Variants in RNF152 observed in about 807,000 individuals in gnomAD.
RNF152 encodes ring finger protein 152.
Under a neutral mutation model 12.7 loss-of-function variants are expected in RNF152, and 11 were observed. The observed-to-expected ratio is 0.86, with a 90% CI of 0.54 to 1.43. RNF152 has a LOEUF of 1.43. Among genes scored for constraint, RNF152 ranks in the 40% most tolerant of loss-of-function variants. The pLI, the probability that RNF152 is intolerant of heterozygous loss-of-function variation, is 0.00. For missense variants in RNF152, 255 were observed against 274.8 expected, an observed-to-expected ratio of 0.93 and a Z score of 0.51; for synonymous variants, 113 against 120.3, an observed-to-expected ratio of 0.94 and a Z score of 0.40.
chr18:61,876,465 T>C (rs951776304), intron 1 of RNF152, among the ~76,000 whole-genome samples: 1 of 152,068 alleles, frequency 6.6e-6, no homozygotes, highest in African/African-American at 2.4e-5. Context: ...CAAAAAAAAA[T>C]AAGCAATAAT....
chr18:61,839,787 C>T (rs899044460), intron 1 of RNF152, among the ~76,000 whole-genome samples: 3 of 151,988 alleles, frequency 2.0e-5, no homozygotes, highest in African/African-American at 7.3e-5. Flanking sequence ...CCCAGCTACT[C>T]GGGAGGCTGA....
chr18:61,832,150 A>C (rs1909981023), intron 1 of RNF152, among the ~76,000 whole-genome samples: 1 of 152,172 alleles, frequency 6.6e-6, no homozygotes, highest in Non-Finnish European at 1.5e-5. Context: ...GAGCCACTAA[A>C]CATATTAATC....
At chr18:61,882,443 T>A (rs1270488558) in intron 1 of RNF152, among the ~76,000 whole-genome samples, 1 of 152,250 alleles carries the variant, frequency 6.6e-6, no homozygotes, top group Non-Finnish European at 1.5e-5. Flanking sequence ...GTGTGCATGA[T>A]GATTACATGG....
intron 1 of RNF152, chr18:61,888,461 G>A (rs950246525): frequency 2.0e-5 from 3 of 152,118 alleles, no homozygotes; most frequent in Non-Finnish European, 4.4e-5. Flanking sequence ...GTGCCTATAC[G>A]ACCAATCTGT....
At chr18:61,870,094 C>G (rs185315234) in intron 1 of RNF152, among the ~76,000 whole-genome samples, 2 of 152,332 alleles carry the variant, frequency 1.3e-5, no homozygotes, top group Admixed American at 6.5e-5. Flanking sequence ...ACCTCACGCT[C>G]TCTTGGAAAG....
chr18:61,891,294 T>G (rs1912949305), intron 1 of RNF152, among the ~76,000 whole-genome samples: 1 of 152,214 alleles, frequency 6.6e-6, no homozygotes, highest in South Asian at 2.1e-4. Context: ...TTTATTATGA[T>G]TTATTACTGT....
chr18:61,820,331 C>CAAAA (rs1344591753), intron 1 of RNF152, among the ~76,000 whole-genome samples: 485 of 39,964 alleles, frequency 0.012, 180 homozygotes, highest in Admixed American at 0.028. Context: ...TCCGTCTCAC[C>CAAAA]AAAAAAAAAA....
intron 1 of RNF152, among the ~76,000 whole-genome samples, chr18:61,878,081 G>T (rs957042192): frequency 6.6e-6 from 1 of 152,174 alleles, no homozygotes; most frequent in African/African-American, 2.4e-5. Context: ...GGGTAGAAAA[G>T]GCATCCCACT....
At chr18:61,858,762 G>T (rs1403891077) in intron 1 of RNF152, among the ~76,000 whole-genome samples, 1 of 152,132 alleles carries the variant, frequency 6.6e-6, no homozygotes, top group Non-Finnish European at 1.5e-5. Flanking sequence ...TTTACTTGAG[G>T]TCTGCCAGCA....
At chr18:61,819,855 T>C (rs1909294981) in intron 1 of RNF152, among the ~76,000 whole-genome samples, 1 of 151,120 alleles carries the variant, frequency 6.6e-6, no homozygotes, top group African/African-American at 2.4e-5. Flanking sequence ...ACTCTGTCTC[T>C]ACTAAAAATA....
At chr18:61,852,926 T>G (rs1911051955) in intron 1 of RNF152, among the ~76,000 whole-genome samples, 1 of 152,226 alleles carries the variant, frequency 6.6e-6, no homozygotes, top group African/African-American at 2.4e-5. Context: ...GTTCACTGCC[T>G]AATTAAGAAG....
intron 1 of RNF152, among the ~76,000 whole-genome samples, chr18:61,871,609 A>G (rs750022262): frequency 1.3e-5 from 2 of 152,178 alleles, no homozygotes; most frequent in Non-Finnish European, 2.9e-5. Flanking sequence ...TGACTCTCTA[A>G]TGGTAAAACC....
At chr18:61,820,358 AAG>A (rs1909340699) in intron 1 of RNF152, among the ~76,000 whole-genome samples, 3 of 150,900 alleles carry the variant, frequency 2.0e-5, no homozygotes, top group Non-Finnish European at 4.4e-5. Context: ...AAAAAAAAAA[AAG>A]AGTAGGATAA....
Position 61,816,061 on chromosome 18 carries a change from T to G in RNF152, c.403A>C (p.Ile135Leu). 1 of 1,614,204 alleles carries G rather than the reference T, an allele frequency of 6.2e-7. No homozygotes were observed. Among genetic ancestry groups the G allele is most frequent in the Non-Finnish European group, 8.5e-7 (1 of 1,180,044 alleles). ...TGCAGAGGCTGCTGTTCAGCAGGGA[T>G]GGTCACCACGGTGACGGACTTCTGC... is the stretch of plus-strand genomic sequence containing the variant. ...SQQKSVTVVT[I>L]PAEQQPLQGG... The change falls in exon 2 of 2, where the codon ATC (isoleucine) becomes CTC (leucine). Residue 135 changes from isoleucine to leucine, a missense_variant. Physicochemically the swap from Ile to Leu is conservative, Grantham distance 5. Coordinates refer to ENST00000312828, the MANE Select transcript of RNF152 (RefSeq NM_173557.3).
At chr18:61,884,885 T>C (rs1304057205) in intron 1 of RNF152, among the ~76,000 whole-genome samples, 3 of 152,314 alleles carry the variant, frequency 2.0e-5, no homozygotes, top group African/African-American at 2.4e-5. Context: ...ATGAATGCAA[T>C]TGTTTGCCTA....
intron 1 of RNF152, among the ~76,000 whole-genome samples, chr18:61,867,099 C>T (rs1404471267): frequency 6.6e-6 from 1 of 152,052 alleles, no homozygotes; most frequent in African/African-American, 2.4e-5. Context: ...AGGAAGAAAG[C>T]CTGTGGCAGA....
rs773071334 is a variant in RNF152 at position 61,815,175 on chromosome 18, G to C, written c.*677C>G. On this transcript the variant is annotated 3_prime_UTR_variant, in exon 2 of 2. Coordinates refer to ENST00000312828, the MANE Select transcript of RNF152 (RefSeq NM_173557.3). ...TGATTTCTCGGTTTATTGCTCCCCT[G>C]TTGAGCTTTCAGTTCCATAAACACG... The C allele has an allele frequency of 6.6e-6, 1 of 152,626 alleles. No homozygotes were observed. Among genetic ancestry groups the C allele is most frequent in the Non-Finnish European group, 1.5e-5 (1 of 68,030 alleles). 9.5% of individuals were successfully genotyped at this position (152,626 alleles called of 1,614,324 possible). A position where few individuals can be genotyped will look rare whatever the true frequency, so the allele number is the denominator to read the frequency against.
chr18:61,830,736 G>C (rs1909901723), intron 1 of RNF152, among the ~76,000 whole-genome samples: 1 of 151,332 alleles, frequency 6.6e-6, no homozygotes, highest in Non-Finnish European at 1.5e-5. Context: ...CATGGAGATT[G>C]GCTGGAAGTA....
At chr18:61,844,126 GAAAGAAAGAA>G (rs1248628257) in intron 1 of RNF152, among the ~76,000 whole-genome samples, 17 of 124,772 alleles carry the variant, frequency 1.4e-4, no homozygotes, top group African/African-American at 4.8e-4. Context: ...AAGAAAGAAA[GAAAGAAAGAA>G]AGAAATTAAG....
Sources: allele counts gnomAD v4.1 joint callset (sites outside exome capture counted in the v4.1 genomes callset), GRCh38; gene constraint gnomAD v4.1.1; transcripts MANE v1.5; gene names NCBI Gene and HGNC (gene_info 2026-07-23, HGNC 2026-07-21).